The following BNC2 variants were observed in gnomAD, a reference collection of about 807,000 sequenced individuals.
The protein encoded by BNC2 is zinc finger protein basonuclin-2.
A neutral mutation model predicts 76.3 loss-of-function variants in BNC2; 20 were observed. The ratio of observed to expected loss-of-function variants is 0.26; its 90% CI spans 0.18 to 0.38. The LOEUF (loss-of-function observed/expected upper bound fraction) is 0.38. BNC2 is among the 10% of genes least tolerant of loss of function. The pLI is 1.00. For synonymous variants in BNC2, 582 were observed against 514.8 expected (o/e 1.13, Z -1.77); for missense variants, 1,382 against 1,399.8 (o/e 0.99, Z 0.20).
intron 3 of BNC2, among the ~76,000 whole-genome samples, chr9:16,706,597 C>T (rs1214452653): frequency 6.6e-6 from 1 of 152,156 alleles, no homozygotes; most frequent in Non-Finnish European, 1.5e-5. Flanking sequence ...AAATTGTCTT[C>T]TTTAGAGTAA....
intron 1 of BNC2, among the ~76,000 whole-genome samples, chr9:16,841,358 A>G (rs1436706696): frequency 6.6e-6 from 1 of 152,116 alleles, no homozygotes; most frequent in African/African-American, 2.4e-5. Flanking sequence ...CAAACTCAGG[A>G]CTCCGACGCT....
At chr9:16,583,691 C>A (rs1402698716) in intron 3 of BNC2, among the ~76,000 whole-genome samples, 1 of 151,880 alleles carries the variant, frequency 6.6e-6, no homozygotes, top group Non-Finnish European at 1.5e-5. Flanking sequence ...TATTTTCGTT[C>A]CTGTTTTGAA....
chr9:16,742,315 A>G (rs531375377), intron 1 of BNC2, among the ~76,000 whole-genome samples: 1 of 152,380 alleles, frequency 6.6e-6, no homozygotes, highest in South Asian at 2.1e-4. Flanking sequence ...AAAGCTGAAG[A>G]GAGCCAAGTT....
intron 5 of BNC2, among the ~76,000 whole-genome samples, chr9:16,501,120 C>G (rs1177007372): frequency 4.6e-5 from 7 of 151,812 alleles, no homozygotes; most frequent in African/African-American, 1.7e-4. Context: ...ATACTTACTA[C>G]AGAGTTGGTG....
chr9:16,555,164 G>A (rs1818785174), intron 4 of BNC2, among the ~76,000 whole-genome samples: 3 of 151,132 alleles, frequency 2.0e-5, no homozygotes, highest in East Asian at 3.9e-4. Context: ...GGACTCAGGC[G>A]CCCACCACCA....
chr9:16,461,259 G>C (rs1476593419), intron 5 of BNC2, among the ~76,000 whole-genome samples: 1 of 151,968 alleles, frequency 6.6e-6, no homozygotes, highest in Non-Finnish European at 1.5e-5. Flanking sequence ...TCTCTTTGTT[G>C]GGGCTGTGTG....
At chr9:16,829,553 C>T (rs1336280712) in intron 1 of BNC2, among the ~76,000 whole-genome samples, 1 of 152,042 alleles carries the variant, frequency 6.6e-6, no homozygotes, top group Admixed American at 6.6e-5. Context: ...GACTAGAAAA[C>T]ACGATATAGG....
At chr9:16,638,486 T>C (rs1045432727) in intron 3 of BNC2, among the ~76,000 whole-genome samples, 3 of 152,174 alleles carry the variant, frequency 2.0e-5, no homozygotes, top group Non-Finnish European at 4.4e-5. Context: ...GACATTTTAG[T>C]AAGTTAAACA....
chr9:16,642,379 C>G (rs537399394), intron 3 of BNC2, among the ~76,000 whole-genome samples: 1 of 152,190 alleles, frequency 6.6e-6, no homozygotes, highest in South Asian at 2.1e-4. Flanking sequence ...TCAGGTGGCA[C>G]TAGCATTGCT....
chr9:16,442,191 A>C (rs1298886374), intron 5 of BNC2, among the ~76,000 whole-genome samples: 1 of 152,230 alleles, frequency 6.6e-6, no homozygotes, highest in African/African-American at 2.4e-5. Flanking sequence ...ATAAGTGTTG[A>C]TTTCCTGTGA....
intron 1 of BNC2, among the ~76,000 whole-genome samples, chr9:16,836,607 C>G (rs1312132846): frequency 6.6e-6 from 1 of 151,914 alleles, no homozygotes; most frequent in African/African-American, 2.4e-5. Context: ...ACTCAACCAA[C>G]TCTCATTTGT....
At chr9:16,561,708 A>G (rs938005543) in intron 4 of BNC2, among the ~76,000 whole-genome samples, 1 of 152,182 alleles carries the variant, frequency 6.6e-6, no homozygotes. Flanking sequence ...TTTGATTATT[A>G]AAAGAATTAA....
Position 16,413,116 on chromosome 9 carries a change from T to C in BNC2, c.*5873A>G, listed in dbSNP as rs1294485267. On this transcript the variant is annotated 3_prime_UTR_variant, in exon 7 of 7. Transcript: ENST00000380672. ...TTCTTGCTGCTCAGCCCTGGCTTTTTTCTTTCCTCTTTTGTAATGGTCCAC... is the reference window on the plus strand; with the variant it reads ...TTCTTGCTGCTCAGCCCTGGCTTTTCTCTTTCCTCTTTTGTAATGGTCCAC... 6.6e-6 allele frequency: 1 copy of C among 152,656 alleles called. No individual in the cohort carries two copies. Among genetic ancestry groups the C allele is most frequent in the African/African-American group, 2.4e-5 (1 of 41,464 alleles). 9.5% of individuals were successfully genotyped at this position (152,656 alleles called of 1,614,324 possible). A position where few individuals can be genotyped will look rare whatever the true frequency, so the allele number is the denominator to read the frequency against.
chr9:16,578,943 C>T (rs1361614961), intron 4 of BNC2, among the ~76,000 whole-genome samples: 1 of 152,076 alleles, frequency 6.6e-6, no homozygotes, highest in Non-Finnish European at 1.5e-5. Flanking sequence ...CCATTTCTGG[C>T]CCATCAACTA....
chr9:16,669,433 C>CT (rs1822408156), intron 3 of BNC2, among the ~76,000 whole-genome samples: 1 of 152,128 alleles, frequency 6.6e-6, no homozygotes, highest in Admixed American at 6.5e-5. Flanking sequence ...GCAGAGTAAA[C>CT]TAAATTTTTC....
intron 3 of BNC2, among the ~76,000 whole-genome samples, chr9:16,657,563 A>C (rs148357677): frequency 6.8e-4 from 103 of 152,244 alleles, no homozygotes; most frequent in African/African-American, 2.3e-3. Context: ...GGAAGTTGAG[A>C]GAAAGGGACT....
At chr9:16,621,410 C>T (rs1048700650) in intron 3 of BNC2, among the ~76,000 whole-genome samples, 6 of 151,714 alleles carry the variant, frequency 4.0e-5, no homozygotes, top group Non-Finnish European at 5.9e-5. Flanking sequence ...AGTAAAGTGA[C>T]GAAGGAAAAA....
intron 1 of BNC2, among the ~76,000 whole-genome samples, chr9:16,836,263 C>T (rs1410259931): frequency 6.6e-6 from 1 of 152,092 alleles, no homozygotes; most frequent in East Asian, 1.9e-4. Flanking sequence ...TCTCATGGCG[C>T]TGCTTTCAAA....
intron 3 of BNC2, among the ~76,000 whole-genome samples, chr9:16,605,435 C>T (rs1376361113): frequency 6.6e-6 from 1 of 152,212 alleles, no homozygotes; most frequent in Admixed American, 6.5e-5. Context: ...AAAGCACAGA[C>T]ATTAACCACC....
Sources: allele counts gnomAD v4.1 joint callset (sites outside exome capture counted in the v4.1 genomes callset), GRCh38; gene constraint gnomAD v4.1.1; transcripts MANE v1.5; gene names NCBI Gene and HGNC (gene_info 2026-07-23, HGNC 2026-07-21).